Variants in STK38 observed in about 807,000 individuals in gnomAD.
STK38 encodes serine/threonine-protein kinase 38.
In STK38, 26 loss-of-function variants were observed where a neutral mutation model predicts 59.0. That is an observed-to-expected ratio of 0.44 (90% confidence interval 0.32 to 0.61). The LOEUF is 0.61. Among genes scored for constraint, STK38 ranks in the 20% least tolerant of loss-of-function variants. The pLI, the probability that STK38 is intolerant of heterozygous loss-of-function variation, is 0.04. For synonymous variants in STK38, 175 were observed against 176.6 expected, an observed-to-expected ratio of 0.99 and a Z score of 0.07; for missense variants, 433 against 566.0, an observed-to-expected ratio of 0.76 and a Z score of 2.38.
intron 7 of STK38, among the ~76,000 whole-genome samples, chr6:36,514,107 A>C (rs1278660749): frequency 6.7e-6 from 1 of 148,592 alleles, no homozygotes; most frequent in Non-Finnish European, 1.5e-5. Flanking sequence ...GTGAGCCGAG[A>C]CTGCCCTAGT....
chr6:36,495,813 T>C lies in STK38; in HGVS notation c.1369A>G (p.Ile457Val). 5 of 1,614,100 alleles carry C rather than the reference T, an allele frequency of 3.1e-6. No homozygotes were observed. The highest frequency in any genetic ancestry group is 2.2e-5 in the East Asian group (1 of 44,884). ...TTTGCTGCTTTCATGTAGGAAGGTA[T>C]TGCCCCCCTTGCAGTCAGGCCCTCA... Reference protein sequence around the residue: ...RFEGLTARGAIPSYMKAAK With the variant: ...RFEGLTARGAVPSYMKAAK Residue 457 changes from isoleucine to valine, a missense_variant, in exon 14 of 14, where the codon ATA becomes GTA. Physicochemically the swap from Ile to Val is conservative, Grantham distance 29. This residue lies in a region of STK38 where 136 missense variants were observed against 156.7 expected (regional missense o/e 0.87). Transcript: ENST00000229812.
chr6:36,536,130 T>G (rs1382178005), intron 2 of STK38, among the ~76,000 whole-genome samples: 1 of 152,062 alleles, frequency 6.6e-6, no homozygotes, highest in Non-Finnish European at 1.5e-5. Context: ...AGCCCAGAAA[T>G]GAATTCACAC....
intron 5 of STK38, among the ~76,000 whole-genome samples, chr6:36,518,467 T>C (rs977809091): frequency 1.3e-5 from 2 of 152,258 alleles, no homozygotes; most frequent in African/African-American, 2.4e-5. Flanking sequence ...ATTATTTTGT[T>C]AAAGCAATGC....
chr6:36,503,839 C>T (rs1776898335), intron 9 of STK38, among the ~76,000 whole-genome samples: 1 of 152,158 alleles, frequency 6.6e-6, no homozygotes, highest in African/African-American at 2.4e-5. Flanking sequence ...CACTGGAGCT[C>T]GCTCGCATTT....
intron 1 of STK38, among the ~76,000 whole-genome samples, chr6:36,541,211 C>A (rs1777929634): frequency 6.6e-6 from 1 of 152,084 alleles, no homozygotes; most frequent in African/African-American, 2.4e-5. Context: ...ACAAATATAT[C>A]TTTAAAACAT....
chr6:36,546,874 A>G (rs2127495775), intron 1 of STK38, among the ~76,000 whole-genome samples: 1 of 152,318 alleles, frequency 6.6e-6, no homozygotes, highest in Non-Finnish European at 1.5e-5. Flanking sequence ...GACTGGTGGC[A>G]GGGAGCAGAC....
At chr6:36,509,678 T>A (rs1341776909) in intron 7 of STK38, among the ~76,000 whole-genome samples, 2 of 152,178 alleles carry the variant, frequency 1.3e-5, no homozygotes, top group Non-Finnish European at 2.9e-5. Context: ...TCATTAAATC[T>A]GTACTAAATA....
intron 7 of STK38, among the ~76,000 whole-genome samples, chr6:36,514,812 C>A (rs1307183943): frequency 7.0e-6 from 1 of 142,672 alleles, no homozygotes; most frequent in African/African-American, 2.7e-5. Context: ...CGCGCCACTG[C>A]ACTCCAGCCT....
intron 2 of STK38, among the ~76,000 whole-genome samples, chr6:36,535,840 C>T (rs1395089303): frequency 4.7e-5 from 7 of 148,376 alleles, no homozygotes; most frequent in Non-Finnish European, 8.9e-5. Flanking sequence ...CACGCCACTG[C>T]ACCCCAGCCT....
At position 36,524,385 on chromosome 6, in the gene STK38, C is replaced by A; in HGVS notation, c.262G>T (p.Asp88Tyr). ...RLKRTRLGLE[D>Y]FESLKVIGRG... ...CCTATTACTTTTAAGGACTCAAAAT[C>A]TTCCAATCCAAGTCTTGTTCTCTTC... The change falls in exon 4 of 14, where the codon GAT becomes TAT. Residue 88 changes from aspartate to tyrosine, a missense_variant. Physicochemically the swap from Asp to Tyr is radical, Grantham distance 160. Transcript: ENST00000229812. 1.2e-6 allele frequency: 2 copies of A among 1,613,782 alleles called. No homozygotes were observed. The highest frequency in any genetic ancestry group is 1.7e-6 in the Non-Finnish European group (2 of 1,179,908).
chr6:36,521,476 T>C lies in STK38; in HGVS notation c.390+258A>G, dbSNP rs144487621. On this transcript the variant is annotated intron_variant, in intron 5 of 13. Transcript: ENST00000229812. ...CACAATAAGGACATCTTGTGATCAA[T>C]TGGAAGACACAAGTAAGAGCTGCTT... Among the ~76,000 whole-genome samples, 32 of 152,176 alleles carry C rather than the reference T, an allele frequency of 2.1e-4. No individual in the cohort carries two copies. In the East Asian group the frequency reaches 5.4e-3, roughly 26 times the overall value.
chr6:36,528,916 T>C (rs1777601809), intron 2 of STK38, among the ~76,000 whole-genome samples: 2 of 152,222 alleles, frequency 1.3e-5, no homozygotes, highest in East Asian at 3.8e-4. Context: ...TTCCACAGGT[T>C]TACTGAAGTG....
chr6:36,510,921 A>G (rs1296257708), intron 7 of STK38, among the ~76,000 whole-genome samples: 1 of 152,222 alleles, frequency 6.6e-6, no homozygotes, highest in African/African-American at 2.4e-5. Context: ...ATGGGCATTA[A>G]TGCATGTAAG....
chr6:36,536,333 T>C (rs909285887), intron 2 of STK38, among the ~76,000 whole-genome samples: 7 of 151,988 alleles, frequency 4.6e-5, no homozygotes, highest in African/African-American at 1.5e-4. Context: ...CTAAAAAACT[T>C]CCAAAATGGA....
At chr6:36,534,966 G>A (rs1196844821) in intron 2 of STK38, among the ~76,000 whole-genome samples, 1 of 151,564 alleles carries the variant, frequency 6.6e-6, no homozygotes, top group Non-Finnish European at 1.5e-5. Context: ...TAATTAGAAA[G>A]TTACAGAATA....
At chr6:36,526,504 G>A (rs931754354) in intron 2 of STK38, among the ~76,000 whole-genome samples, 6 of 151,538 alleles carry the variant, frequency 4.0e-5, no homozygotes, top group East Asian at 2.0e-4. Flanking sequence ...TCACGCCTGT[G>A]ATCCCAGCAC....
At chr6:36,530,834 C>T (rs1029578385) in intron 2 of STK38, among the ~76,000 whole-genome samples, 15 of 151,822 alleles carry the variant, frequency 9.9e-5, no homozygotes, top group Admixed American at 9.2e-4. Context: ...GGATTACCGG[C>T]ATATGCCACC....
chr6:36,496,877 C>T lies in STK38; in HGVS notation c.1173-72G>A, dbSNP rs1052630204. ...GGATCATACCAATCAAGTCTTTCTC[C>T]AAAAAAGACCCCTGGTCTGACATGA... On this transcript the variant is annotated intron_variant, in intron 12 of 13. Coordinates refer to ENST00000229812, the MANE Select transcript of STK38 (RefSeq NM_007271.4). 1.3e-5 allele frequency: 14 copies of T among 1,078,556 alleles called. No individual in the cohort carries two copies. The African/African-American group carries it at 1.5e-4, about 11-fold the overall frequency. 66.8% of individuals were successfully genotyped at this position (1,078,556 alleles called of 1,614,324 possible). A position where few individuals can be genotyped will look rare whatever the true frequency, so the allele number is the denominator to read the frequency against.
At chr6:36,546,397 TTA>T (rs1161511865) in intron 1 of STK38, among the ~76,000 whole-genome samples, 1 of 152,178 alleles carries the variant, frequency 6.6e-6, no homozygotes, top group African/African-American at 2.4e-5. Flanking sequence ...GGTGGTTGTT[TTA>T]TGTTTAGGGA....
Sources: allele counts gnomAD v4.1 joint callset (sites outside exome capture counted in the v4.1 genomes callset), GRCh38; gene constraint gnomAD v4.1.1; regional missense constraint gnomAD v4.1.1; transcripts MANE v1.5; gene names NCBI Gene and HGNC (gene_info 2026-07-23, HGNC 2026-07-21).